Variants in SLC25A31 observed in about 807,000 individuals in gnomAD.
SLC25A31 encodes the protein ADP/ATP translocase 4.
A neutral mutation model predicts 36.2 loss-of-function variants in SLC25A31; 40 were observed. The observed-to-expected ratio is 1.10, with a 90% CI of 0.86 to 1.44. The LOEUF is 1.44. Among genes scored for constraint, SLC25A31 ranks in the 40% most tolerant of loss-of-function variants. SLC25A31 has a pLI of 0.00. For synonymous variants in SLC25A31, 143 were observed against 149.7 expected, an observed-to-expected ratio of 0.96 and a Z score of 0.32; for missense variants, 350 against 397.1, an observed-to-expected ratio of 0.88 and a Z score of 1.01.
intron 2 of SLC25A31, among the ~76,000 whole-genome samples, chr4:127,763,023 T>TA (rs976412216): frequency 1.3e-5 from 2 of 151,360 alleles, no homozygotes; most frequent in African/African-American, 4.9e-5. Flanking sequence ...ATTTAAAAAA[T>TA]AAGAGTCTGT....
In SLC25A31 at chr4:127,753,405, TAAAC is replaced by T. The variant is rs954676469; in HGVS notation, c.360+8610_360+8613del. The stretch of plus-strand genomic sequence containing the variant: ...ACTAAGAGTGGGTTCTTTGAACAGA[TAAAC>T]AAAATAGAAAAACCCTTGGCTAGGA... On this transcript the variant is annotated intron_variant, in intron 2 of 5. Transcript: ENST00000281154. Among the ~76,000 whole-genome samples, 18 of 152,088 alleles carry T rather than the reference TAAAC, an allele frequency of 1.2e-4. No homozygotes were observed. In the East Asian group the frequency reaches 1.3e-3, roughly 11 times the overall value.
intron 2 of SLC25A31, among the ~76,000 whole-genome samples, chr4:127,758,882 T>C (rs1732078551): frequency 6.6e-6 from 1 of 152,224 alleles, no homozygotes; most frequent in South Asian, 2.1e-4. Context: ...AGCCTTGTAG[T>C]ATAGTTTGAA....
chr4:127,762,191 A>G (rs1043354526), intron 2 of SLC25A31, among the ~76,000 whole-genome samples: 1 of 152,222 alleles, frequency 6.6e-6, no homozygotes, highest in Non-Finnish European at 1.5e-5. Flanking sequence ...AAACAACCCA[A>G]ATGTTCATCA....
At chr4:127,756,253 A>T (rs1008596837) in intron 2 of SLC25A31, among the ~76,000 whole-genome samples, 6 of 152,252 alleles carry the variant, frequency 3.9e-5, no homozygotes, top group Non-Finnish European at 8.8e-5. Flanking sequence ...AATATTACTC[A>T]GCCTTATAGA....
chr4:127,773,433 G>A lies in SLC25A31; in HGVS notation c.807G>A (p.Val269=), dbSNP rs1246624474. The A allele has an allele frequency of 6.2e-7, 1 of 1,614,096 alleles. No individual in the cohort carries two copies. The change falls in exon 6 of 6, where the codon GTG becomes GTA. Residue 269 remains valine, a synonymous_variant. Transcript: ENST00000281154. ...ATAAAGGAACCTTAGACTGCTTTGTGAAGATATACCAACATGAAGGAATCA... is the reference window on the plus strand; with the variant it reads ...ATAAAGGAACCTTAGACTGCTTTGTAAAGATATACCAACATGAAGGAATCA... ...RQYKGTLDCF[V]KIYQHEGISS...
At chr4:127,735,835 A>G (rs1731614675) in intron 1 of SLC25A31, among the ~76,000 whole-genome samples, 1 of 147,902 alleles carries the variant, frequency 6.8e-6, no homozygotes, top group African/African-American at 2.5e-5. Context: ...GTTGGTTTAG[A>G]CTGTATATCC....
intron 1 of SLC25A31, among the ~76,000 whole-genome samples, chr4:127,736,154 G>T (rs1255175732): frequency 6.6e-6 from 1 of 152,048 alleles, no homozygotes; most frequent in Non-Finnish European, 1.5e-5. Flanking sequence ...CTCCCAAAGT[G>T]CTGGGATTAC....
chr4:127,736,140 C>T (rs922074310), intron 1 of SLC25A31, among the ~76,000 whole-genome samples: 8 of 151,916 alleles, frequency 5.3e-5, no homozygotes, highest in African/African-American at 1.7e-4. Flanking sequence ...CCGCCCGCCT[C>T]GGCCTCCCAA....
In SLC25A31 at chr4:127,740,957, G is replaced by C. The variant is rs187061699; in HGVS notation, c.233-3715G>C. Among the ~76,000 whole-genome samples, 3 of 152,278 alleles carry C rather than the reference G, an allele frequency of 2.0e-5. No homozygotes were observed. In the South Asian group the frequency reaches 6.2e-4, roughly 32 times the overall value. On this transcript the variant is annotated intron_variant, in intron 1 of 5. Transcript: ENST00000281154. ...TCATCAGTTTTTTAAACTTTTTGGC[G>C]TACAGATCTTTCACCTCTTTGGTTA...
At chr4:127,746,309 C>T (rs1023355910) in intron 2 of SLC25A31, among the ~76,000 whole-genome samples, 6 of 152,084 alleles carry the variant, frequency 3.9e-5, no homozygotes, top group African/African-American at 1.4e-4. Context: ...TTATGTTACT[C>T]TGGGTATATA....
rs777606450 is a variant in SLC25A31, at chr4:127,773,904, G to A, written c.*330G>A. ...CTGAAATCTAGGAAATGAAAGTAGC[G>A]TCTTTTAAATTGCTATTCATTTAAT... On this transcript the variant is annotated 3_prime_UTR_variant, in exon 6 of 6. Transcript: ENST00000281154. 5.7e-5 allele frequency: 10 copies of A among 174,206 alleles called. No individual in the cohort carries two copies. The highest frequency in any genetic ancestry group is 1.9e-4 in the Admixed American group (3 of 16,068). 10.8% of individuals were successfully genotyped at this position (174,206 alleles called of 1,614,324 possible).
At chr4:127,766,084 T>C (rs1232221067) in intron 3 of SLC25A31, among the ~76,000 whole-genome samples, 4 of 152,050 alleles carry the variant, frequency 2.6e-5, no homozygotes, top group African/African-American at 9.7e-5. Context: ...GTTAACTATC[T>C]TAAACTATCC....
chr4:127,756,714 T>A (rs1732038762), intron 2 of SLC25A31, among the ~76,000 whole-genome samples: 1 of 152,180 alleles, frequency 6.6e-6, no homozygotes, highest in Non-Finnish European at 1.5e-5. Flanking sequence ...ACTAAAAAAA[T>A]TTTTAAGTCA....
chr4:127,753,679 T>C (rs2148759438), intron 2 of SLC25A31, among the ~76,000 whole-genome samples: 2 of 152,118 alleles, frequency 1.3e-5, no homozygotes, highest in South Asian at 4.1e-4. Flanking sequence ...GGAAATTAAG[T>C]CCATAATCAG....
At chr4:127,742,609 C>T (rs1184363700) in intron 1 of SLC25A31, among the ~76,000 whole-genome samples, 1 of 152,196 alleles carries the variant, frequency 6.6e-6, no homozygotes, top group Non-Finnish European at 1.5e-5. Flanking sequence ...GTTTTCTGTG[C>T]AATAAGCAGC....
intron 2 of SLC25A31, among the ~76,000 whole-genome samples, chr4:127,750,951 G>A (rs1240647504): frequency 6.6e-6 from 1 of 152,076 alleles, no homozygotes; most frequent in Admixed American, 6.6e-5. Flanking sequence ...AAAACATAGT[G>A]GTAAAGGGAT....
chr4:127,730,525 GT>G lies in SLC25A31; in HGVS notation c.-16del, dbSNP rs1226856787. 6.2e-7 allele frequency: 1 copy of G among 1,605,652 alleles called. No individual in the cohort carries two copies. Among genetic ancestry groups the G allele is most frequent in the African/African-American group, 1.3e-5 (1 of 74,734 alleles). On this transcript the variant is annotated 5_prime_UTR_variant, in exon 1 of 6. Transcript: ENST00000281154. ...TACTCATTTTTAGCCACTGCTGCCG[GT>G]TTTTATATCCTTCTCCATCATGCAT...
intron 2 of SLC25A31, among the ~76,000 whole-genome samples, chr4:127,761,093 G>A (rs1020851122): frequency 1.3e-5 from 2 of 152,052 alleles, no homozygotes; most frequent in African/African-American, 2.4e-5. Flanking sequence ...ATGCAGGATC[G>A]TCACTCAGCA....
Position 127,741,377 on chromosome 4 carries a change from TGTTGTA to T in SLC25A31, c.233-3292_233-3287del, listed in dbSNP as rs1317809347. 3.3e-5 allele frequency among the ~76,000 whole-genome samples: 5 copies of T among 152,354 alleles called. No homozygotes were observed. In the East Asian group the frequency reaches 7.7e-4, roughly 23 times the overall value. On this transcript the variant is annotated intron_variant, in intron 1 of 5. Transcript: ENST00000281154. ...AGCTTGTCACATATGGCCTTTATTA[TGTTGTA>T]GTACATTGCTTCTATACCTAATTTG...
Sources: allele counts gnomAD v4.1 joint callset (sites outside exome capture counted in the v4.1 genomes callset), GRCh38; gene constraint gnomAD v4.1.1; transcripts MANE v1.5; gene names NCBI Gene and HGNC (gene_info 2026-07-23, HGNC 2026-07-21).